MB21D2: variants seen among roughly 807,000 people sequenced by gnomAD.
MB21D2 encodes the protein nucleotidyltransferase MB21D2.
In MB21D2, 9 loss-of-function variants were observed where a neutral mutation model predicts 33.3. The ratio of observed to expected loss-of-function variants is 0.27; its 90% CI spans 0.16 to 0.47. The LOEUF is 0.47. MB21D2 is among the 20% of genes least tolerant of loss of function. MB21D2 has a pLI of 0.99. For missense variants in MB21D2, 540 were observed against 624.6 expected (o/e 0.86, Z 1.44); for synonymous variants, 241 against 236.3 (o/e 1.02, Z -0.18).
At chr3:192,827,279 C>G (rs1560232304) in intron 1 of MB21D2, among the ~76,000 whole-genome samples, 1 of 152,092 alleles carries the variant, frequency 6.6e-6, no homozygotes, top group Non-Finnish European at 1.5e-5. Flanking sequence ...TCCAAGCTCC[C>G]CAACCTATTA....
intron 1 of MB21D2, among the ~76,000 whole-genome samples, chr3:192,889,702 A>T (rs887823833): frequency 5.9e-5 from 9 of 152,066 alleles, no homozygotes; most frequent in African/African-American, 2.2e-4. Flanking sequence ...CAAAATACCT[A>T]ACAAACAAGA....
intron 1 of MB21D2, among the ~76,000 whole-genome samples, chr3:192,869,150 G>A (rs1261554649): frequency 6.6e-6 from 1 of 152,010 alleles, no homozygotes; most frequent in Non-Finnish European, 1.5e-5. Context: ...CACTTACTCA[G>A]GAGGCTGAGT....
At chr3:192,839,705 G>C (rs898780828) in intron 1 of MB21D2, among the ~76,000 whole-genome samples, 3 of 152,122 alleles carry the variant, frequency 2.0e-5, no homozygotes, top group Non-Finnish European at 4.4e-5. Flanking sequence ...CATCAGAATG[G>C]GAGCTTTCCC....
chr3:192,835,853 A>G (rs1039233627), intron 1 of MB21D2, among the ~76,000 whole-genome samples: 1 of 152,082 alleles, frequency 6.6e-6, no homozygotes, highest in Non-Finnish European at 1.5e-5. Flanking sequence ...GAAAAAAAAA[A>G]AAAAGGCCTT....
At chr3:192,811,006 CCCTCT>C (rs1711777718) in intron 1 of MB21D2, among the ~76,000 whole-genome samples, 1 of 152,198 alleles carries the variant, frequency 6.6e-6, no homozygotes, top group Non-Finnish European at 1.5e-5. Context: ...TGTTCCCAGC[CCCTCT>C]CCTCAAGTGC....
At chr3:192,914,160 GTAGCATCTCTACCATCTA>G (rs1050139668) in intron 1 of MB21D2, among the ~76,000 whole-genome samples, 25 of 152,274 alleles carry the variant, frequency 1.6e-4, no homozygotes, top group Middle Eastern at 3.4e-3. Context: ...CTGAGTTTCA[GTAGCATCTCTACCATCTA>G]TTAGCTTTGT....
intron 1 of MB21D2, among the ~76,000 whole-genome samples, chr3:192,849,274 C>T (rs1040579866): frequency 2.3e-5 from 3 of 132,310 alleles, no homozygotes; most frequent in African/African-American, 8.8e-5. Context: ...ATGGCTAATT[C>T]GTTAACCATC....
intron 1 of MB21D2, among the ~76,000 whole-genome samples, 164 bp downstream of exon 1, chr3:192,917,466 G>A (rs1222310087): frequency 6.6e-6 from 1 of 152,172 alleles, no homozygotes; most frequent in East Asian, 1.9e-4. Flanking sequence ...TCGGCTTTCG[G>A]CGGAGAAAGA....
At chr3:192,906,735 T>G (rs915209049) in intron 1 of MB21D2, among the ~76,000 whole-genome samples, 3 of 152,250 alleles carry the variant, frequency 2.0e-5, no homozygotes, top group Non-Finnish European at 4.4e-5. Flanking sequence ...AGAAGATCTA[T>G]GGAGGTAGTG....
At chr3:192,822,811 C>T (rs1712090220) in intron 1 of MB21D2, among the ~76,000 whole-genome samples, 1 of 152,138 alleles carries the variant, frequency 6.6e-6, no homozygotes, top group Non-Finnish European at 1.5e-5. Context: ...AGTTAGAGGC[C>T]ACGCAGCTAG....
intron 1 of MB21D2, among the ~76,000 whole-genome samples, chr3:192,836,998 T>A (rs1440946291): frequency 2.0e-5 from 3 of 151,982 alleles, no homozygotes. Context: ...GGCATAGACA[T>A]CCAAACGGCA....
At chr3:192,858,807 C>T (rs1712974007) in intron 1 of MB21D2, among the ~76,000 whole-genome samples, 1 of 152,130 alleles carries the variant, frequency 6.6e-6, no homozygotes, top group Non-Finnish European at 1.5e-5. Flanking sequence ...AGACAATATA[C>T]TTCTATTTAC....
intron 1 of MB21D2, among the ~76,000 whole-genome samples, chr3:192,913,748 C>T (rs138018981): frequency 1.2e-3 from 180 of 152,218 alleles, no homozygotes; most frequent in African/African-American, 4.1e-3. Context: ...AGGAAGATAG[C>T]TTACGCCTAG....
chr3:192,842,216 T>C (rs1177516334), intron 1 of MB21D2, among the ~76,000 whole-genome samples: 1 of 152,178 alleles, frequency 6.6e-6, no homozygotes, highest in East Asian at 1.9e-4. Context: ...AGGAATGGAT[T>C]GAAGAGATGA....
At chr3:192,891,233 C>T (rs1018944934) in intron 1 of MB21D2, among the ~76,000 whole-genome samples, 10 of 152,112 alleles carry the variant, frequency 6.6e-5, no homozygotes, top group Non-Finnish European at 1.2e-4. Context: ...TAGACATTGC[C>T]ATCTAATTCA....
intron 1 of MB21D2, among the ~76,000 whole-genome samples, chr3:192,874,551 T>C (rs936376266): frequency 6.6e-6 from 1 of 152,234 alleles, no homozygotes; most frequent in African/African-American, 2.4e-5. Flanking sequence ...CCTGTATGTA[T>C]AGTTGCTTAT....
At chr3:192,895,796 G>A (rs891359062) in intron 1 of MB21D2, among the ~76,000 whole-genome samples, 18 of 151,922 alleles carry the variant, frequency 1.2e-4, no homozygotes, top group African/African-American at 3.9e-4. Flanking sequence ...GCAGTGGCAC[G>A]ATCCTGGCTC....
intron 1 of MB21D2, among the ~76,000 whole-genome samples, chr3:192,806,510 C>T (rs912325395): frequency 6.6e-6 from 1 of 152,202 alleles, no homozygotes; most frequent in South Asian, 2.1e-4. Flanking sequence ...GCATCTGGCA[C>T]AGTAACTCAC....
intron 1 of MB21D2, among the ~76,000 whole-genome samples, chr3:192,863,155 G>A (rs1713087090): frequency 2.6e-5 from 4 of 152,194 alleles, no homozygotes; most frequent in Admixed American, 2.6e-4. Flanking sequence ...GCAGCTACAA[G>A]ATAAGGAACA....
Sources: allele counts gnomAD v4.1 joint callset (sites outside exome capture counted in the v4.1 genomes callset), GRCh38; gene constraint gnomAD v4.1.1; transcripts MANE v1.5; gene names NCBI Gene and HGNC (gene_info 2026-07-23, HGNC 2026-07-21).